The following RNGTT variants were observed in gnomAD, a reference collection of about 807,000 sequenced individuals.
RNGTT encodes RNA guanylyltransferase and 5'-phosphatase.
Under a neutral mutation model 79.3 loss-of-function variants are expected in RNGTT, and 33 were observed. The observed-to-expected ratio is 0.42, with a 90% CI of 0.32 to 0.56. The LOEUF (loss-of-function observed/expected upper bound fraction) is 0.56. Ranked by LOEUF, RNGTT falls within the 20% of genes least tolerant of loss-of-function variation. The probability of loss-of-function intolerance (pLI) is 0.17; values close to 1 mark genes in which losing one functional copy is unlikely to be tolerated. For synonymous variants in RNGTT, 222 were observed against 235.9 expected, an observed-to-expected ratio of 0.94 and a Z score of 0.54; for missense variants, 497 against 739.1, an observed-to-expected ratio of 0.67 and a Z score of 3.80.
rs1776445087 is a variant in RNGTT at position 88,714,698 on chromosome 6, T to G, written c.1440-36279A>C. On this transcript the variant is annotated intron_variant, in intron 13 of 15. Coordinates refer to ENST00000369485, the MANE Select transcript of RNGTT (RefSeq NM_003800.5). ...ACCTCGTGATCCGCCCGCCTCGGCC[T>G]CCCAAAGTGCTGGGATTACAGGCGT... is the stretch of plus-strand genomic sequence containing the variant. Among the ~76,000 whole-genome samples the G allele has an allele frequency of 2.2e-5, 2 of 89,852 alleles. 1 individual carries two copies. The highest frequency in any genetic ancestry group is 3.8e-5 in the Non-Finnish European group (2 of 52,464). The allele number at this position is 89,852 out of a possible 152,430, so 58.9% of individuals were successfully genotyped here.
intron 13 of RNGTT, among the ~76,000 whole-genome samples, chr6:88,763,309 C>G (rs1267977558): frequency 6.6e-6 from 1 of 151,594 alleles, no homozygotes; most frequent in African/African-American, 2.4e-5. Flanking sequence ...TTGTTTCCAC[C>G]CTTTGGCTAT....
At chr6:88,849,953 TGAACACACTTGTACCCAGATCA>T in intron 9 of RNGTT, 127 bp from the exon 10 acceptor site, 1 of 835,326 alleles carries the variant, frequency 1.2e-6, no homozygotes. Flanking sequence ...AATTTCAAAG[TGAACACACTTGTACCCAGATCA>T]TATCAATAAA....
chr6:88,884,380 A>G (rs2127929913), intron 8 of RNGTT, among the ~76,000 whole-genome samples: 1 of 152,380 alleles, frequency 6.6e-6, no homozygotes, highest in South Asian at 2.1e-4. Context: ...TGGAAAAAGC[A>G]AGGTGAAAAG....
At chr6:88,636,464 A>C (rs1773103622) in intron 14 of RNGTT, among the ~76,000 whole-genome samples, 1 of 152,078 alleles carries the variant, frequency 6.6e-6, no homozygotes. Flanking sequence ...GAAGGTTTCA[A>C]ACTTACTTCC....
intron 13 of RNGTT, among the ~76,000 whole-genome samples, chr6:88,719,927 A>G (rs1406437593): frequency 6.6e-6 from 1 of 152,210 alleles, no homozygotes; most frequent in Non-Finnish European, 1.5e-5. Flanking sequence ...ACCTGTCAGT[A>G]CATCTACTCA....
chr6:88,926,949 T>A (rs978031858), intron 4 of RNGTT, among the ~76,000 whole-genome samples: 3 of 152,232 alleles, frequency 2.0e-5, no homozygotes, highest in African/African-American at 7.2e-5. Context: ...AAGTTGCTGA[T>A]GTTTTCTTTT....
Position 88,904,764 on chromosome 6 carries a change from G to A in RNGTT, c.635C>T (p.Pro212Leu). 1 of 1,613,798 alleles carries A rather than the reference G, an allele frequency of 6.2e-7. No homozygotes were observed. Among genetic ancestry groups the A allele is most frequent in the South Asian group, 1.1e-5 (1 of 91,056 alleles). Residue 212 changes from proline (P) to leucine (L), a missense_variant, in exon 6 of 16, where the codon CCC (proline) becomes CTC (leucine). Pro to Leu is a moderately conservative substitution (Grantham distance 98, BLOSUM62 -3). Transcript: ENST00000369485. ...TTTGCCAAAAGAAGCACTTGACCCG[G>A]GTTCTGATTCCTTCTTTCCATCCTC... ...EDEDGKKESE[P>L]GSSASFGKRR...
chr6:88,816,385 T>C (rs1050133621), intron 11 of RNGTT, among the ~76,000 whole-genome samples: 3 of 152,154 alleles, frequency 2.0e-5, no homozygotes, highest in African/African-American at 7.2e-5. Context: ...GACATATATG[T>C]GCACTTATAG....
chr6:88,886,083 A>C (rs923409385), intron 8 of RNGTT, among the ~76,000 whole-genome samples: 20 of 152,306 alleles, frequency 1.3e-4, no homozygotes, highest in Admixed American at 8.5e-4. Flanking sequence ...AGGCAGGCGG[A>C]TCACGACGTC....
intron 10 of RNGTT, among the ~76,000 whole-genome samples, chr6:88,846,575 T>G (rs1454975384): frequency 6.6e-6 from 1 of 151,978 alleles, no homozygotes; most frequent in African/African-American, 2.4e-5. Context: ...TGGCAAAACC[T>G]CATGTATTTG....
chr6:88,637,688 G>A (rs919394814), intron 14 of RNGTT, among the ~76,000 whole-genome samples: 8 of 152,142 alleles, frequency 5.3e-5, no homozygotes, highest in African/African-American at 1.4e-4. Context: ...AAAGAAACAC[G>A]TAAAAAGAAA....
intron 8 of RNGTT, among the ~76,000 whole-genome samples, chr6:88,885,118 TCACA>T (rs150058750): frequency 4.7e-5 from 7 of 149,146 alleles, no homozygotes; most frequent in African/African-American, 1.2e-4. Context: ...ATGTATATAC[TCACA>T]CACACACACA....
intron 6 of RNGTT, among the ~76,000 whole-genome samples, chr6:88,903,381 C>CAAAA (rs1018169763): frequency 1.3e-5 from 2 of 152,046 alleles, no homozygotes; most frequent in African/African-American, 4.8e-5. Flanking sequence ...TCCCTGTCTC[C>CAAAA]AAAAACAAAC....
intron 14 of RNGTT, among the ~76,000 whole-genome samples, chr6:88,666,074 G>A (rs933791900): frequency 1.3e-5 from 2 of 152,178 alleles, no homozygotes; most frequent in Admixed American, 1.3e-4. Flanking sequence ...TGCAGGTTAT[G>A]GATCCCAAAT....
At chr6:88,961,124 GAA>G (rs1785603940) in intron 1 of RNGTT, among the ~76,000 whole-genome samples, 1 of 152,292 alleles carries the variant, frequency 6.6e-6, no homozygotes, top group South Asian at 2.1e-4. Flanking sequence ...AGAAAAATGT[GAA>G]AAGACTTGAC....
chr6:88,869,929 G>A (rs1420944184), intron 8 of RNGTT, among the ~76,000 whole-genome samples: 1 of 152,024 alleles, frequency 6.6e-6, no homozygotes, highest in Non-Finnish European at 1.5e-5. Context: ...GACATAAGAT[G>A]TAAAAGACCT....
intron 13 of RNGTT, among the ~76,000 whole-genome samples, chr6:88,754,013 A>T (rs990682145): frequency 3.3e-5 from 5 of 152,204 alleles, no homozygotes; most frequent in Non-Finnish European, 7.3e-5. Flanking sequence ...TGTTCAGAAC[A>T]TTCTTGTCAT....
intron 13 of RNGTT, among the ~76,000 whole-genome samples, chr6:88,761,698 C>T (rs978343521): frequency 5.3e-5 from 8 of 152,276 alleles, no homozygotes; most frequent in East Asian, 3.9e-4. Context: ...CTCACTCATA[C>T]ACATATTGTC....
intron 11 of RNGTT, among the ~76,000 whole-genome samples, chr6:88,833,365 T>C (rs1015608692): frequency 3.3e-5 from 5 of 151,110 alleles, no homozygotes; most frequent in South Asian, 2.1e-4. Flanking sequence ...TAAGTGGGAG[T>C]TGAACAATGA....
Sources: gnomAD v4.1 joint callset for allele counts (sites outside exome capture counted in the v4.1 genomes callset) on GRCh38, gnomAD v4.1.1 for gene constraint, MANE v1.5 for transcripts, NCBI Gene and HGNC (gene_info 2026-07-23, HGNC 2026-07-21) for gene names.